CSMD1: variants seen among roughly 807,000 people sequenced by gnomAD.
CSMD1 encodes the protein CUB and sushi domain-containing protein 1.
A neutral mutation model predicts 417.5 loss-of-function variants in CSMD1; 213 were observed. That is an observed-to-expected ratio of 0.51 (90% CI 0.46 to 0.57). CSMD1 has a LOEUF of 0.57. Ranked by LOEUF, CSMD1 falls within the 20% of genes least tolerant of loss-of-function variation. The pLI, the probability that CSMD1 is intolerant of heterozygous loss-of-function variation, is 0.00. For synonymous variants in CSMD1, 2,862 were observed against 1,736.8 expected (o/e 1.65, Z -16.11); for missense variants, 6,923 against 4,529.7 (o/e 1.53, Z -15.17).
At chr8:4,465,189 C>T (rs1318842503) in intron 2 of CSMD1, among the ~76,000 whole-genome samples, 2 of 152,094 alleles carry the variant, frequency 1.3e-5, no homozygotes, top group Admixed American at 1.3e-4. Flanking sequence ...ATAGGAAGTC[C>T]AAACCAGGAG....
chr8:4,443,213 T>G (rs116562567), intron 2 of CSMD1, among the ~76,000 whole-genome samples: 1 of 152,196 alleles, frequency 6.6e-6, no homozygotes, highest in Admixed American at 6.5e-5. Context: ...GGTGTTCAAT[T>G]TTTATTTGTA....
chr8:4,989,072 T>A lies in CSMD1; in HGVS notation c.85+5260A>T, dbSNP rs10110214. On this transcript the variant is annotated intron_variant, in intron 1 of 69. Transcript: ENST00000635120. ...TGACTTACTTCCTTGCATTTAGGCA[T>A]GAATACCTAAGTGCAATTATTTGAT... 2.1e-4 allele frequency among the ~76,000 whole-genome samples: 32 copies of A among 152,318 alleles called. No homozygotes were observed. In the East Asian group the frequency reaches 4.6e-3, roughly 22 times the overall value.
At chr8:3,271,872 T>C (rs1044356778) in intron 26 of CSMD1, among the ~76,000 whole-genome samples, 1 of 152,090 alleles carries the variant, frequency 6.6e-6, no homozygotes, top group Non-Finnish European at 1.5e-5. Context: ...TTCTCCCATT[T>C]TGTAGGTTGC....
chr8:3,653,490 A>C (rs1337517206), intron 7 of CSMD1, among the ~76,000 whole-genome samples: 1 of 152,034 alleles, frequency 6.6e-6, no homozygotes, highest in Non-Finnish European at 1.5e-5. Context: ...CATATTTTTA[A>C]TAGAGATAGG....
intron 3 of CSMD1, among the ~76,000 whole-genome samples, chr8:4,060,839 T>C (rs924273757): frequency 6.6e-6 from 1 of 152,082 alleles, no homozygotes; most frequent in African/African-American, 2.4e-5. Context: ...AATGCATTAA[T>C]CATGTAAGGT....
At chr8:3,648,311 T>G (rs944099476) in intron 7 of CSMD1, among the ~76,000 whole-genome samples, 3 of 152,240 alleles carry the variant, frequency 2.0e-5, no homozygotes, top group African/African-American at 7.2e-5. Context: ...CAAATTGCCT[T>G]GCTGAAATAA....
chr8:3,290,084 A>G lies in CSMD1; in HGVS notation c.3951-5738T>C, dbSNP rs571625222. ...CCCAGCACCATTTATTAAATAGGGA[A>G]TGCTTTCCCCATTGCTTGTTTTTGT... On this transcript the variant is annotated intron_variant, in intron 25 of 69. Transcript: ENST00000635120. 4.8e-4 allele frequency among the ~76,000 whole-genome samples: 71 copies of G among 147,194 alleles called. 1 individual carries two copies. In the South Asian group the frequency reaches 0.014, roughly 30 times the overall value.
chr8:4,749,465 T>C (rs1811167073), intron 1 of CSMD1, among the ~76,000 whole-genome samples: 1 of 152,192 alleles, frequency 6.6e-6, no homozygotes. Flanking sequence ...AAGACCCTTC[T>C]TGAGAAAGGA....
chr8:3,315,590 T>C (rs1168042853), intron 23 of CSMD1, among the ~76,000 whole-genome samples: 2 of 151,832 alleles, frequency 1.3e-5, no homozygotes, highest in Admixed American at 6.6e-5. Context: ...TATTAAGTTT[T>C]TGCTGACATT....
chr8:4,713,178 A>G (rs1584983369), intron 1 of CSMD1, among the ~76,000 whole-genome samples: 1 of 152,222 alleles, frequency 6.6e-6, no homozygotes, highest in African/African-American at 2.4e-5. Flanking sequence ...GGGGAAACAC[A>G]TTAAATCATT....
Position 4,896,299 on chromosome 8 carries a change from T to C in CSMD1, c.85+98033A>G, listed in dbSNP as rs187760864. On this transcript the variant is annotated intron_variant, in intron 1 of 69. Transcript: ENST00000635120. ...TAGCATATCGCTAATTATGGGTCTC[T>C]TTACATTCATGCTTTTCAATATTTA... Among the ~76,000 whole-genome samples, 238 of 152,266 alleles carry C rather than the reference T, an allele frequency of 1.6e-3. 4 individuals carry two copies. The highest frequency in any genetic ancestry group is 5.6e-3 in the African/African-American group (234 of 41,524).
intron 25 of CSMD1, among the ~76,000 whole-genome samples, chr8:3,303,497 T>C (rs1015921438): frequency 5.9e-5 from 9 of 152,190 alleles, no homozygotes; most frequent in African/African-American, 2.2e-4. Context: ...GCGTCCAATG[T>C]TTTTCATACT....
Position 3,214,503 on chromosome 8 carries a change from A to C in CSMD1, c.4861T>G (p.Cys1621Gly). ...KPSWDQVLPS[C>G]NAPCGGQYTG... is the part of the protein sequence containing the mutation. ...TACCCAAGCGTGCACTCACCATTGCAGGAGGGCAGCACTTGGTCCCAGGAG... is the reference window on the plus strand; with the variant it reads ...TACCCAAGCGTGCACTCACCATTGCCGGAGGGCAGCACTTGGTCCCAGGAG... Residue 1621 changes from cysteine to glycine, a missense_variant, in exon 30 of 70, where the codon TGC becomes GGC. Physicochemically the swap from Cys to Gly is radical, Grantham distance 159. Transcript: ENST00000635120. 6.3e-7 allele frequency: 1 copy of C among 1,592,332 alleles called. No individual in the cohort carries two copies. Among genetic ancestry groups the C allele is most frequent in the Non-Finnish European group, 8.6e-7 (1 of 1,169,396 alleles).
At chr8:3,298,132 C>G (rs1227353611) in intron 25 of CSMD1, among the ~76,000 whole-genome samples, 3 of 152,136 alleles carry the variant, frequency 2.0e-5, no homozygotes, top group African/African-American at 2.4e-5. Context: ...CATATACACC[C>G]TCTCAGGGAG....
intron 3 of CSMD1, among the ~76,000 whole-genome samples, chr8:4,157,979 A>G (rs1278838024): frequency 2.0e-5 from 3 of 152,124 alleles, no homozygotes; most frequent in African/African-American, 7.2e-5. Flanking sequence ...AGATTGGCCA[A>G]CTGTTGCTAG....
chr8:4,464,083 T>A (rs183218482), intron 2 of CSMD1, among the ~76,000 whole-genome samples: 2 of 152,256 alleles, frequency 1.3e-5, no homozygotes, highest in East Asian at 3.9e-4. Flanking sequence ...AAGAAACAGG[T>A]TTCTCAGTTT....
Position 3,103,339 on chromosome 8 carries a change from G to A in CSMD1, c.6949+3189C>T, listed in dbSNP as rs1411549056. ...AAAATAGCAGCCCCACCTTCAGTTT[G>A]GTCCAGGAACACTTAAACACACCCA... On this transcript the variant is annotated intron_variant, in intron 46 of 69. Transcript: ENST00000635120. Among the ~76,000 whole-genome samples the A allele has an allele frequency of 2.0e-5, 3 of 152,008 alleles. 1 individual carries two copies. The highest frequency in any genetic ancestry group is 4.4e-5 in the Non-Finnish European group (3 of 68,008).
At chr8:4,812,456 C>G (rs1319668138) in intron 1 of CSMD1, among the ~76,000 whole-genome samples, 1 of 152,088 alleles carries the variant, frequency 6.6e-6, no homozygotes, top group East Asian at 1.9e-4. Flanking sequence ...TTGAAACGTT[C>G]CCGACACATA....
chr8:4,069,613 C>G (rs944235024), intron 3 of CSMD1, among the ~76,000 whole-genome samples: 2 of 152,218 alleles, frequency 1.3e-5, no homozygotes, highest in African/African-American at 2.4e-5. Flanking sequence ...GTAATACCAT[C>G]TGGCCTGTAT....
Sources: gnomAD v4.1 joint callset for allele counts (sites outside exome capture counted in the v4.1 genomes callset) on GRCh38, gnomAD v4.1.1 for gene constraint, MANE v1.5 for transcripts, NCBI Gene and HGNC (gene_info 2026-07-23, HGNC 2026-07-21) for gene names.